Variants in CTNNA3 observed in about 807,000 individuals in gnomAD.
CTNNA3 encodes catenin alpha-3.
In CTNNA3, 76 loss-of-function variants were observed where a neutral mutation model predicts 95.7. That is an observed-to-expected ratio of 0.79 (90% CI 0.66 to 0.96). The LOEUF is 0.96. Ranked by LOEUF, CTNNA3 falls within the 40% of genes least tolerant of loss-of-function variation. The pLI, the probability that CTNNA3 is intolerant of heterozygous loss-of-function variation, is 0.00. For missense variants in CTNNA3, 1,191 were observed against 1,089.8 expected (o/e 1.09, Z -1.31); for synonymous variants, 431 against 374.4 (o/e 1.15, Z -1.74).
chr10:66,883,537 C>T (rs746233652), intron 7 of CTNNA3, among the ~76,000 whole-genome samples: 2 of 152,142 alleles, frequency 1.3e-5, no homozygotes, highest in Non-Finnish European at 2.9e-5. Flanking sequence ...ATGCTGTCTT[C>T]AGTGCCTTAC....
intron 17 of CTNNA3, among the ~76,000 whole-genome samples, chr10:65,959,929 C>T (rs1396698703): frequency 2.6e-5 from 4 of 152,168 alleles, no homozygotes; most frequent in Non-Finnish European, 5.9e-5. Flanking sequence ...TGGAGCTTGG[C>T]TCTGGTAAAA....
At chr10:67,393,260 CATT>C (rs1844581901) in intron 5 of CTNNA3, among the ~76,000 whole-genome samples, 1 of 152,076 alleles carries the variant, frequency 6.6e-6, no homozygotes, top group South Asian at 2.1e-4. Context: ...CTCATACCAT[CATT>C]GTTGACCAAG....
intron 5 of CTNNA3, among the ~76,000 whole-genome samples, chr10:67,291,050 T>G (rs1839819938): frequency 6.6e-6 from 1 of 152,072 alleles, no homozygotes; most frequent in African/African-American, 2.4e-5. Context: ...GACTCCGGAG[T>G]CAGATGCACA....
chr10:66,313,830 A>C (rs1436647268), intron 12 of CTNNA3, among the ~76,000 whole-genome samples: 1 of 152,124 alleles, frequency 6.6e-6, no homozygotes, highest in Non-Finnish European at 1.5e-5. Context: ...TTACATCTTA[A>C]ACTCCTCCAT....
intron 11 of CTNNA3, among the ~76,000 whole-genome samples, chr10:66,434,502 G>A (rs1236810708): frequency 6.6e-6 from 1 of 152,146 alleles, no homozygotes; most frequent in Admixed American, 6.5e-5. Flanking sequence ...TTTGTATCCT[G>A]AGACTCTGCT....
Position 66,730,120 on chromosome 10 carries a change from A to AG in CTNNA3, c.1281+36143dup, listed in dbSNP as rs1848912725. Among the ~76,000 whole-genome samples, 3 of 151,462 alleles carry AG rather than the reference A, an allele frequency of 2.0e-5. No individual in the cohort carries two copies. The South Asian group carries it at 6.3e-4, about 32-fold the overall frequency. On this transcript the variant is annotated intron_variant, in intron 9 of 17. Transcript: ENST00000433211. ...TACTCTGTCTGAAAAAAAAAAAAAA[A>AG]GATCATTCTATTATAAAGATACATG... is the stretch of plus-strand genomic sequence containing the variant.
At chr10:66,707,687 C>A (rs868534856) in intron 9 of CTNNA3, among the ~76,000 whole-genome samples, 1 of 152,002 alleles carries the variant, frequency 6.6e-6, no homozygotes, top group African/African-American at 2.4e-5. Context: ...GTACCAATTT[C>A]TTGGGTGGAA....
chr10:66,583,492 A>G (rs1843261600), intron 10 of CTNNA3, among the ~76,000 whole-genome samples: 1 of 151,814 alleles, frequency 6.6e-6, no homozygotes, highest in Non-Finnish European at 1.5e-5. Flanking sequence ...AGTAGTCCCA[A>G]ATAATCTTTT....
chr10:66,017,014 A>G (rs188638700), intron 15 of CTNNA3, among the ~76,000 whole-genome samples: 140 of 152,194 alleles, frequency 9.2e-4, no homozygotes, highest in Middle Eastern at 3.4e-3. Context: ...TTTTCAATCT[A>G]ACAATATGGA....
At chr10:67,433,309 C>T (rs1464328919) in intron 5 of CTNNA3, among the ~76,000 whole-genome samples, 1 of 152,032 alleles carries the variant, frequency 6.6e-6, no homozygotes, top group East Asian at 1.9e-4. Flanking sequence ...AGTTCACCAT[C>T]TCAAATGGGC....
intron 13 of CTNNA3, among the ~76,000 whole-genome samples, chr10:66,151,890 T>C (rs2084218729): frequency 6.6e-6 from 1 of 152,030 alleles, no homozygotes; most frequent in East Asian, 1.9e-4. Context: ...CTAGAAATGA[T>C]AATCATCTGG....
chr10:66,005,973 A>T lies in CTNNA3; in HGVS notation c.2160-17176T>A, dbSNP rs2078870768. ...ATAAACTTCTCAGTGGTGCCTTTCC[A>T]GACTCATATGAGTAGTAAGAATGCA... is the stretch of plus-strand genomic sequence containing the variant. On this transcript the variant is annotated intron_variant, in intron 15 of 17. Coordinates refer to ENST00000433211, the MANE Select transcript of CTNNA3 (RefSeq NM_013266.4). Among the ~76,000 whole-genome samples, 4 of 151,506 alleles carry T rather than the reference A, an allele frequency of 2.6e-5. 1 individual carries two copies. In the South Asian group the frequency reaches 8.4e-4, roughly 32 times the overall value.
intron 10 of CTNNA3, among the ~76,000 whole-genome samples, chr10:66,557,072 T>A (rs1842413572): frequency 6.6e-6 from 1 of 152,104 alleles, no homozygotes; most frequent in African/African-American, 2.4e-5. Flanking sequence ...CATATCTTTG[T>A]GGCTACTAGG....
intron 11 of CTNNA3, among the ~76,000 whole-genome samples, chr10:66,515,635 C>T (rs146468423): frequency 9.2e-5 from 14 of 152,210 alleles, no homozygotes; most frequent in African/African-American, 3.4e-4. Context: ...ACTCACAGTT[C>T]CACATGGCTA....
chr10:66,662,494 T>G (rs1489255859), intron 9 of CTNNA3, among the ~76,000 whole-genome samples: 1 of 152,066 alleles, frequency 6.6e-6, no homozygotes, highest in Admixed American at 6.6e-5. Flanking sequence ...TACACTTTCT[T>G]CCCCTTTCAT....
chr10:66,898,930 T>A (rs1483372257), intron 7 of CTNNA3, among the ~76,000 whole-genome samples: 1 of 152,170 alleles, frequency 6.6e-6, no homozygotes. Context: ...AAAGGTAATC[T>A]ATGGAATGAG....
At chr10:66,792,618 G>T (rs977369884) in intron 7 of CTNNA3, among the ~76,000 whole-genome samples, 14 of 151,932 alleles carry the variant, frequency 9.2e-5, no homozygotes, top group Non-Finnish European at 1.5e-4. Context: ...TTGAGTTCTG[G>T]CACACAACTC....
At chr10:66,180,614 G>T (rs1045592873) in intron 13 of CTNNA3, among the ~76,000 whole-genome samples, 14 of 152,146 alleles carry the variant, frequency 9.2e-5, no homozygotes, top group African/African-American at 3.1e-4. Context: ...TTGTCTCCTT[G>T]CAGTTTTCAC....
intron 7 of CTNNA3, among the ~76,000 whole-genome samples, chr10:67,161,348 C>T (rs2394354): frequency 0.085 from 12,901 of 151,502 alleles, 622 homozygotes; most frequent in South Asian, 0.2. Flanking sequence ...AACAGTCTTA[C>T]GTGTTTCTCA....
Sources: gnomAD v4.1 joint callset for allele counts (sites outside exome capture counted in the v4.1 genomes callset) on GRCh38, gnomAD v4.1.1 for gene constraint, MANE v1.5 for transcripts, NCBI Gene and HGNC (gene_info 2026-07-23, HGNC 2026-07-21) for gene names.